The following MACROD2 variants were observed in gnomAD, a reference collection of about 807,000 sequenced individuals.
MACROD2 encodes ADP-ribose glycohydrolase MACROD2.
Under a neutral mutation model 70.4 loss-of-function variants are expected in MACROD2, and 36 were observed. The observed-to-expected ratio is 0.51, with a 90% CI of 0.39 to 0.68. The LOEUF (loss-of-function observed/expected upper bound fraction) is 0.68. MACROD2 is among the 30% of genes least tolerant of loss of function. The pLI is 0.00. For missense variants in MACROD2, 496 were observed against 538.4 expected (o/e 0.92, Z 0.78); for synonymous variants, 172 against 178.8 (o/e 0.96, Z 0.30).
chr20:14,398,292 A>G (rs2083601406), intron 3 of MACROD2, among the ~76,000 whole-genome samples: 1 of 152,078 alleles, frequency 6.6e-6, no homozygotes, highest in South Asian at 2.1e-4. Context: ...ATTATATGGT[A>G]GTTCTATTTT....
chr20:15,018,104 CT>C (rs1406151358), intron 5 of MACROD2, among the ~76,000 whole-genome samples: 4 of 152,192 alleles, frequency 2.6e-5, no homozygotes, highest in African/African-American at 9.6e-5. Flanking sequence ...CAGGCTGCGA[CT>C]TTTCCCAAAC....
chr20:14,565,403 C>T (rs1194945298), intron 4 of MACROD2, among the ~76,000 whole-genome samples: 1 of 151,702 alleles, frequency 6.6e-6, no homozygotes, highest in Non-Finnish European at 1.5e-5. Flanking sequence ...AAGGATTCCT[C>T]TTGTTTTCCT....
chr20:14,593,509 C>T (rs955329577), intron 4 of MACROD2, among the ~76,000 whole-genome samples: 2 of 152,124 alleles, frequency 1.3e-5, no homozygotes, highest in East Asian at 1.9e-4. Flanking sequence ...CTAAGAATAA[C>T]TAGGATTGTG....
chr20:15,660,971 T>A (rs536175293), intron 8 of MACROD2, among the ~76,000 whole-genome samples: 54 of 152,328 alleles, frequency 3.5e-4, no homozygotes, highest in African/African-American at 1.3e-3. Context: ...GCATCTGTTT[T>A]GTACTAATTT....
intron 6 of MACROD2, among the ~76,000 whole-genome samples, chr20:15,292,258 A>G (rs575124598): frequency 1.3e-5 from 2 of 152,342 alleles, no homozygotes; most frequent in African/African-American, 4.8e-5. Context: ...TTGGAATTGT[A>G]TAACTGTAAA....
intron 8 of MACROD2, among the ~76,000 whole-genome samples, chr20:15,505,164 G>T (rs907470476): frequency 6.6e-6 from 1 of 152,068 alleles, no homozygotes; most frequent in South Asian, 2.1e-4. Context: ...AGCCACAAAT[G>T]TCCTGATATT....
chr20:14,270,358 G>A (rs993087427), intron 3 of MACROD2, among the ~76,000 whole-genome samples: 1 of 152,152 alleles, frequency 6.6e-6, no homozygotes, highest in African/African-American at 2.4e-5. Flanking sequence ...TTGGGAGGCT[G>A]AGGTGGGCGG....
At chr20:14,084,809 A>G (rs1249308795) in intron 2 of MACROD2, among the ~76,000 whole-genome samples, 1 of 123,548 alleles carries the variant, frequency 8.1e-6, no homozygotes, top group Non-Finnish European at 1.8e-5. Flanking sequence ...TATCCGGAGT[A>G]ATAGTTTGTT....
rs377201686 is a variant in MACROD2 at position 15,205,789 on chromosome 20, C to T, written c.419-24151C>T. Among the ~76,000 whole-genome samples, 30 of 152,326 alleles carry T rather than the reference C, an allele frequency of 2.0e-4. No individual in the cohort carries two copies. The South Asian group carries it at 6.2e-3, about 32-fold the overall frequency. Reference sequence around the variant, plus strand: ...TATATTTGATTTTACAGAATCACTTCAAGATATTTTATTGGTTTTAAGTAT... The same window carrying T: ...TATATTTGATTTTACAGAATCACTTTAAGATATTTTATTGGTTTTAAGTAT... On this transcript the variant is annotated intron_variant, in intron 5 of 17. Transcript: ENST00000684519.
chr20:14,654,828 A>G (rs1434331416), intron 4 of MACROD2, among the ~76,000 whole-genome samples: 5 of 152,158 alleles, frequency 3.3e-5, no homozygotes, highest in Non-Finnish European at 7.4e-5. Flanking sequence ...TTTAGCAAAC[A>G]CTGAACATTG....
chr20:15,381,268 T>C (rs970159119), intron 6 of MACROD2, among the ~76,000 whole-genome samples: 2 of 152,020 alleles, frequency 1.3e-5, no homozygotes, highest in Non-Finnish European at 2.9e-5. Context: ...AGACCCACTA[T>C]CTAGCCAAGA....
At chr20:15,437,208 A>G (rs2046438305) in intron 7 of MACROD2, among the ~76,000 whole-genome samples, 1 of 152,172 alleles carries the variant, frequency 6.6e-6, no homozygotes, top group Non-Finnish European at 1.5e-5. Context: ...AAACTAGTAT[A>G]TCCTCAACAT....
intron 5 of MACROD2, among the ~76,000 whole-genome samples, chr20:14,952,233 C>G (rs934560816): frequency 1.3e-5 from 2 of 152,106 alleles, no homozygotes; most frequent in African/African-American, 4.8e-5. Flanking sequence ...CCACCCCTTG[C>G]TGAGCATGTC....
chr20:14,134,524 C>T (rs549331783), intron 3 of MACROD2, among the ~76,000 whole-genome samples: 3 of 152,062 alleles, frequency 2.0e-5, no homozygotes, highest in South Asian at 2.1e-4. Flanking sequence ...GAGAATGATA[C>T]GGCTGGGCGC....
intron 5 of MACROD2, among the ~76,000 whole-genome samples, chr20:14,914,285 G>A (rs1390247924): frequency 6.6e-6 from 1 of 152,140 alleles, no homozygotes; most frequent in African/African-American, 2.4e-5. Flanking sequence ...GTTCTGTTAA[G>A]CGGGAGGGAG....
At chr20:14,534,728 T>G (rs1371884685) in intron 4 of MACROD2, among the ~76,000 whole-genome samples, 1 of 151,874 alleles carries the variant, frequency 6.6e-6, no homozygotes, top group Non-Finnish European at 1.5e-5. Context: ...AGGGGAAGGA[T>G]AGTTTTTGAA....
rs763048882 is a variant in MACROD2 at position 14,326,558 on chromosome 20, G to C, written c.272-166921G>C. 10 of 1,613,748 alleles carry C rather than the reference G, an allele frequency of 6.2e-6. No homozygotes were observed. The highest frequency in any genetic ancestry group is 8.5e-6 in the Non-Finnish European group (10 of 1,179,852). On this transcript the variant is annotated intron_variant, in intron 3 of 17. Transcript: ENST00000684519. The surrounding 1 kb of genome is among the most constrained non-coding windows in gnomAD (Gnocchi z 5.5). ...ACAGGTAGTGATTGTAACCAGTCAC[G>C]TACCCATTTCATCTTGCACCCGCAA... is the stretch of plus-strand genomic sequence containing the variant.
chr20:14,915,437 G>A (rs956098940), intron 5 of MACROD2, among the ~76,000 whole-genome samples: 8 of 152,172 alleles, frequency 5.3e-5, no homozygotes, highest in South Asian at 4.1e-4. Context: ...CAAAACCTTC[G>A]AGAAGCATTA....
intron 4 of MACROD2, among the ~76,000 whole-genome samples, chr20:14,539,739 C>G (rs2085408050): frequency 6.6e-6 from 1 of 152,160 alleles, no homozygotes; most frequent in Non-Finnish European, 1.5e-5. Context: ...GATAATGCTG[C>G]TAATGTATAG....
Sources: gnomAD v4.1 joint callset for allele counts (sites outside exome capture counted in the v4.1 genomes callset) on GRCh38, gnomAD v4.1.1 for gene constraint, Gnocchi (gnomAD v3.1) non-coding constraint, MANE v1.5 for transcripts, NCBI Gene and HGNC (gene_info 2026-07-23, HGNC 2026-07-21) for gene names.